The following RGS6 variants were observed in gnomAD, a reference collection of about 807,000 sequenced individuals.
The protein encoded by RGS6 is regulator of G protein signaling 6.
In RGS6, 30 loss-of-function variants were observed where a neutral mutation model predicts 78.5. That is an observed-to-expected ratio of 0.38 (90% confidence interval 0.29 to 0.52). The LOEUF is 0.52. RGS6 is among the 20% of genes least tolerant of loss of function. RGS6 has a pLI of 0.85. For missense variants in RGS6, 495 were observed against 609.7 expected (o/e 0.81, Z 1.98); for synonymous variants, 206 against 206.0 (o/e 1.00, Z 0.00).
At chr14:72,106,049 A>T (rs1441483381) in intron 2 of RGS6, among the ~76,000 whole-genome samples, 1 of 152,196 alleles carries the variant, frequency 6.6e-6, no homozygotes, top group East Asian at 1.9e-4. Flanking sequence ...AAAGATCCAG[A>T]GGTCGCAGTG....
In RGS6 at chr14:72,090,494, T is replaced by C. The variant is rs1197007471; in HGVS notation, c.84+125619T>C. 2.0e-5 allele frequency among the ~76,000 whole-genome samples: 3 copies of C among 152,204 alleles called. No homozygotes were observed. The East Asian group carries it at 5.8e-4, about 29-fold the overall frequency. ...CTTATGAGAATCTAATGCCTGGTGG[T>C]CTGTCCCTGTCTCCCATCACCCCCA... On this transcript the variant is annotated intron_variant, in intron 2 of 17. Coordinates refer to ENST00000553525, the MANE Select transcript of RGS6 (RefSeq NM_001204424.2).
At chr14:72,170,165 A>G (rs1399754402) in intron 2 of RGS6, among the ~76,000 whole-genome samples, 1 of 152,232 alleles carries the variant, frequency 6.6e-6, no homozygotes, top group Non-Finnish European at 1.5e-5. Context: ...CAAAGTATTT[A>G]AACAATGCCA....
chr14:72,513,804 A>T (rs1433706233), intron 14 of RGS6: 1 of 152,276 alleles, frequency 6.6e-6, no homozygotes, highest in Non-Finnish European at 1.5e-5. Flanking sequence ...CACAGCAAAG[A>T]GTGTCCCCCG....
At chr14:72,300,328 T>C (rs1358372678) in intron 2 of RGS6, among the ~76,000 whole-genome samples, 1 of 152,074 alleles carries the variant, frequency 6.6e-6, no homozygotes, top group Non-Finnish European at 1.5e-5. Flanking sequence ...AAAGGTGAAA[T>C]AGATTGCTGG....
At chr14:72,440,740 C>T (rs1481764792) in intron 3 of RGS6, among the ~76,000 whole-genome samples, 1 of 152,104 alleles carries the variant, frequency 6.6e-6, no homozygotes, top group Non-Finnish European at 1.5e-5. Flanking sequence ...AGATTTCTAG[C>T]AGATAACATA....
intron 2 of RGS6, among the ~76,000 whole-genome samples, chr14:71,993,002 G>T (rs1450687972): frequency 6.6e-6 from 1 of 152,200 alleles, no homozygotes; most frequent in Non-Finnish European, 1.5e-5. Flanking sequence ...GACTTCTGTG[G>T]TTTTTAAGTT....
the RGS6 span, among the ~76,000 whole-genome samples, chr14:72,600,679 A>T: frequency 1.3e-5 from 2 of 151,990 alleles, no homozygotes. Flanking sequence ...GTCCATGTTC[A>T]TGTTCTCAGT....
chr14:72,454,392 A>G (rs911269951), intron 3 of RGS6, 136 bp from the exon 4 acceptor site: 3 of 802,430 alleles, frequency 3.7e-6, no homozygotes, highest in Non-Finnish European at 6.4e-6. Context: ...TGGTTAGGAC[A>G]AAAAAAAGTG....
chr14:72,275,190 T>G (rs1234507846), intron 2 of RGS6, among the ~76,000 whole-genome samples: 1 of 152,256 alleles, frequency 6.6e-6, no homozygotes, highest in Non-Finnish European at 1.5e-5. Flanking sequence ...TATTTCACTT[T>G]TCTGATTTTC....
intron 13 of RGS6, among the ~76,000 whole-genome samples, chr14:72,505,867 G>C (rs1391722180): frequency 6.6e-6 from 1 of 152,218 alleles, no homozygotes; most frequent in East Asian, 1.9e-4. Flanking sequence ...CATTGATATA[G>C]ACAATTGCTT....
chr14:72,017,272 A>T (rs8011953), intron 2 of RGS6, among the ~76,000 whole-genome samples: 87,456 of 152,198 alleles, frequency 0.57, 26,344 homozygotes, highest in South Asian at 0.68. Flanking sequence ...TTTTCCTATT[A>T]TTGCTGGTGT....
Position 72,380,452 on chromosome 14 carries a change from T to A in RGS6, c.184+28258T>A, listed in dbSNP as rs1416053169. Among the ~76,000 whole-genome samples, 4 of 144,686 alleles carry A rather than the reference T, an allele frequency of 2.8e-5. No individual in the cohort carries two copies. In the Admixed American group the frequency reaches 2.8e-4, roughly 10 times the overall value. The allele number at this position is 144,686 out of a possible 152,430, so 94.9% of individuals were successfully genotyped here. ...TCAATATCCAGAATATGCAAGGAAC[T>A]CAAATATCTTGACAGCAAAAAAAAA... On this transcript the variant is annotated intron_variant, in intron 3 of 17. Coordinates refer to ENST00000553525, the MANE Select transcript of RGS6 (RefSeq NM_001204424.2).
At chr14:71,985,414 A>G (rs1300873112) in intron 2 of RGS6, among the ~76,000 whole-genome samples, 1 of 152,182 alleles carries the variant, frequency 6.6e-6, no homozygotes, top group Non-Finnish European at 1.5e-5. Context: ...GAGCCACCGC[A>G]CCTGGCTATC....
intron 3 of RGS6, among the ~76,000 whole-genome samples, chr14:72,450,893 T>C (rs919788350): frequency 2.0e-5 from 3 of 152,228 alleles, no homozygotes; most frequent in Non-Finnish European, 2.9e-5. Flanking sequence ...GCGTAATCAC[T>C]GTAAATGTTT....
chr14:72,250,783 T>G (rs1292900521), intron 2 of RGS6, among the ~76,000 whole-genome samples: 1 of 152,156 alleles, frequency 6.6e-6, no homozygotes, highest in Non-Finnish European at 1.5e-5. Context: ...GAACACAAAG[T>G]CCCTAGTCTT....
chr14:72,185,401 A>G (rs1459015831), intron 2 of RGS6, among the ~76,000 whole-genome samples: 2 of 152,162 alleles, frequency 1.3e-5, no homozygotes, highest in Non-Finnish European at 2.9e-5. Context: ...TGTAAATGAC[A>G]TGCTTTAGTT....
the RGS6 span, among the ~76,000 whole-genome samples, chr14:72,601,375 G>A: frequency 1.3e-5 from 2 of 151,282 alleles, no homozygotes; most frequent in Non-Finnish European, 2.9e-5. Flanking sequence ...ACCCTCCCCT[G>A]CTCAGGACCC....
chr14:72,057,851 C>T (rs768466686), intron 2 of RGS6, among the ~76,000 whole-genome samples: 6 of 152,168 alleles, frequency 3.9e-5, no homozygotes, highest in African/African-American at 7.2e-5. Flanking sequence ...TTCACTCTGT[C>T]GAGTTTCCAT....
intron 4 of RGS6, among the ~76,000 whole-genome samples, chr14:72,455,093 G>A (rs762845767): frequency 1.2e-4 from 18 of 151,986 alleles, no homozygotes; most frequent in Non-Finnish European, 1.9e-4. Flanking sequence ...CAATTTCCCA[G>A]TCTGTTCTCC....
Sources: allele counts gnomAD v4.1 joint callset (sites outside exome capture counted in the v4.1 genomes callset), GRCh38; gene constraint gnomAD v4.1.1; transcripts MANE v1.5; gene names NCBI Gene and HGNC (gene_info 2026-07-23, HGNC 2026-07-21).